The following ATRNL1 variants were observed in gnomAD, a reference collection of about 807,000 sequenced individuals.
ATRNL1 encodes attractin like 1.
A neutral mutation model predicts 182.7 loss-of-function variants in ATRNL1; 95 were observed. The observed-to-expected ratio is 0.52, with a 90% CI of 0.44 to 0.62. The LOEUF (loss-of-function observed/expected upper bound fraction) is 0.62, where lower values mean the gene tolerates loss of function less well. Ranked by LOEUF, ATRNL1 falls within the 20% of genes least tolerant of loss-of-function variation. The pLI is 0.00. For missense variants in ATRNL1, 1,471 were observed against 1,679.5 expected, an observed-to-expected ratio of 0.88 and a Z score of 2.17; for synonymous variants, 576 against 568.3, an observed-to-expected ratio of 1.01 and a Z score of -0.19.
chr10:115,132,678 C>T (rs1311814539), intron 5 of ATRNL1, among the ~76,000 whole-genome samples: 1 of 152,022 alleles, frequency 6.6e-6, no homozygotes, highest in Non-Finnish European at 1.5e-5. Flanking sequence ...TCTCTGATGG[C>T]CAGTGATGAT....
At chr10:115,666,623 T>G (rs1262482317) in intron 26 of ATRNL1, among the ~76,000 whole-genome samples, 2 of 152,152 alleles carry the variant, frequency 1.3e-5, no homozygotes, top group Non-Finnish European at 2.9e-5. Flanking sequence ...CCTTCCAATA[T>G]GACAGCCACT....
chr10:115,393,090 C>A (rs1554954723), intron 19 of ATRNL1, among the ~76,000 whole-genome samples: 1 of 152,088 alleles, frequency 6.6e-6, no homozygotes, highest in Non-Finnish European at 1.5e-5. Flanking sequence ...AGAGGACAGA[C>A]AACCACTCCC....
chr10:115,890,968 G>T (rs1430267092), intron 28 of ATRNL1, among the ~76,000 whole-genome samples: 1 of 152,062 alleles, frequency 6.6e-6, no homozygotes, highest in Non-Finnish European at 1.5e-5. Flanking sequence ...TGCCGACTGG[G>T]GACTCATGAA....
At chr10:115,537,809 A>G (rs781810298) in intron 25 of ATRNL1, among the ~76,000 whole-genome samples, 12 of 152,090 alleles carry the variant, frequency 7.9e-5, no homozygotes, top group Non-Finnish European at 1.6e-4. Flanking sequence ...CATTTATTAT[A>G]ATTACCAGCT....
At chr10:115,479,069 A>C (rs1554973642) in intron 24 of ATRNL1, among the ~76,000 whole-genome samples, 2 of 151,578 alleles carry the variant, frequency 1.3e-5, no homozygotes, top group African/African-American at 4.8e-5. Flanking sequence ...TTATCTTTTC[A>C]GTCTACTAGC....
At chr10:115,270,389 A>G (rs1024782186) in intron 13 of ATRNL1, among the ~76,000 whole-genome samples, 5 of 130,022 alleles carry the variant, frequency 3.8e-5, no homozygotes, top group African/African-American at 1.5e-4. Context: ...TAATATATAA[A>G]TATATGTATA....
chr10:115,338,428 T>A (rs1479806225), intron 19 of ATRNL1, among the ~76,000 whole-genome samples: 1 of 152,208 alleles, frequency 6.6e-6, no homozygotes, highest in African/African-American at 2.4e-5. Flanking sequence ...TATAAGCCAT[T>A]TTAACTGGGG....
intron 26 of ATRNL1, among the ~76,000 whole-genome samples, chr10:115,609,515 A>G (rs1269462635): frequency 6.6e-6 from 1 of 152,194 alleles, no homozygotes; most frequent in Non-Finnish European, 1.5e-5. Context: ...ATGAATCACT[A>G]TTTTGTAATA....
intron 9 of ATRNL1, among the ~76,000 whole-genome samples, chr10:115,233,241 A>G (rs528617013): frequency 9.9e-5 from 15 of 152,110 alleles, no homozygotes; most frequent in South Asian, 6.2e-4. Context: ...CAAAGACCCT[A>G]TTTTCAAACT....
At chr10:115,417,519 T>C (rs12766899) in intron 20 of ATRNL1, among the ~76,000 whole-genome samples, 8 of 152,188 alleles carry the variant, frequency 5.3e-5, no homozygotes, top group Non-Finnish European at 8.8e-5. Flanking sequence ...AACTATCATA[T>C]CTGTGCAGGG....
intron 19 of ATRNL1, among the ~76,000 whole-genome samples, chr10:115,372,315 C>T (rs782686355): frequency 6.6e-5 from 10 of 152,134 alleles, no homozygotes; most frequent in Non-Finnish European, 1.2e-4. Flanking sequence ...ATTTCCTAAG[C>T]GTATCTTCAC....
chr10:115,676,584 G>A (rs1047043798), intron 26 of ATRNL1, among the ~76,000 whole-genome samples: 6 of 150,126 alleles, frequency 4.0e-5, no homozygotes, highest in East Asian at 3.9e-4. Flanking sequence ...ATCTGTATAT[G>A]TATATATATA....
intron 28 of ATRNL1, among the ~76,000 whole-genome samples, chr10:115,914,236 C>G (rs1589686569): frequency 6.6e-6 from 1 of 152,292 alleles, no homozygotes; most frequent in East Asian, 1.9e-4. Flanking sequence ...TCAATTAAAC[C>G]TCTTTTCTTT....
chr10:115,715,864 C>T (rs1947233402), intron 26 of ATRNL1, among the ~76,000 whole-genome samples: 1 of 152,184 alleles, frequency 6.6e-6, no homozygotes, highest in Admixed American at 6.5e-5. Flanking sequence ...ACTTCTGAGC[C>T]TGCTTTAATA....
intron 27 of ATRNL1, among the ~76,000 whole-genome samples, chr10:115,811,765 A>G (rs1465302535): frequency 6.6e-6 from 1 of 151,986 alleles, no homozygotes; most frequent in Admixed American, 6.6e-5. Flanking sequence ...CTTGATCTGA[A>G]GTCGTCTCTT....
chr10:115,564,561 T>C (rs566834653), intron 26 of ATRNL1, among the ~76,000 whole-genome samples: 1 of 152,106 alleles, frequency 6.6e-6, no homozygotes, highest in East Asian at 1.9e-4. Context: ...CTCCTCTTTA[T>C]TGGAAATAAA....
chr10:115,640,121 C>T (rs1859144389), intron 26 of ATRNL1, among the ~76,000 whole-genome samples: 1 of 152,124 alleles, frequency 6.6e-6, no homozygotes, highest in Admixed American at 6.6e-5. Flanking sequence ...ATTCATTTGG[C>T]TGCATAGTAT....
chr10:115,394,613 G>C, intron 19 of ATRNL1, 46 bp from the exon 20 acceptor site: 1 of 1,363,656 alleles, frequency 7.3e-7, no homozygotes, highest in Non-Finnish European at 1.0e-6. Context: ...AAATGTGCAT[G>C]TTTGTGATGT....
rs2084933525 is a variant in ATRNL1, at chr10:115,093,657, C to T, written c.-94C>T. 1.5e-6 allele frequency: 2 copies of T among 1,332,972 alleles called. No individual in the cohort carries two copies. Among genetic ancestry groups the T allele is most frequent in the Non-Finnish European group, 2.0e-6 (2 of 978,078 alleles). The allele number at this position is 1,332,972 out of a possible 1,614,324, so 82.6% of individuals were successfully genotyped here. On this transcript the variant is annotated 5_prime_UTR_variant, in exon 1 of 29. Transcript: ENST00000355044. This position sits in a 1 kb window ranked among gnomAD's most constrained non-coding sequence, Gnocchi z 6.1. ...CGCCGGTGAGGAGGAGGAGAAGCGG[C>T]GGCGGAGAGGTTTTCTGCGGCCGGA...
Sources: gnomAD v4.1 joint callset for allele counts (sites outside exome capture counted in the v4.1 genomes callset) on GRCh38, gnomAD v4.1.1 for gene constraint, Gnocchi (gnomAD v3.1) non-coding constraint, MANE v1.5 for transcripts, NCBI Gene and HGNC (gene_info 2026-07-23, HGNC 2026-07-21) for gene names.